ST6GAL1: variants seen among roughly 807,000 people sequenced by gnomAD.
ST6GAL1 encodes the protein beta-galactoside alpha-2,6-sialyltransferase 1.
A neutral mutation model predicts 38.0 loss-of-function variants in ST6GAL1; 20 were observed. The observed-to-expected ratio is 0.53, with a 90% confidence interval of 0.37 to 0.77. The LOEUF is 0.77. ST6GAL1 is among the 30% of genes least tolerant of loss of function. The pLI is 0.00. For missense variants in ST6GAL1, 432 were observed against 496.4 expected (o/e 0.87, Z 1.23); for synonymous variants, 196 against 188.2 (o/e 1.04, Z -0.34).
At position 187,024,491 on chromosome 3, in the gene ST6GAL1, T is replaced by TAG. The variant is rs773308806; in HGVS notation, c.-182-14250_-182-14249insGA. Among the ~76,000 whole-genome samples the TAG allele has an allele frequency of 8.6e-3, 906 of 105,262 alleles. 6 individuals are homozygous for TAG. The highest frequency in any genetic ancestry group is 0.015 in the African/African-American group (375 of 25,042). The allele number at this position is 105,262 out of a possible 152,430, so 69.1% of individuals were successfully genotyped here. ...ATATATGTGTATATATATATATATA[T>TAG]ATAGAGAGAGAGAGAGAGAGAGAGA... On this transcript the variant is annotated intron_variant, in intron 2 of 7. Transcript: ENST00000169298.
At chr3:187,019,593 A>G (rs1029356732) in intron 2 of ST6GAL1, among the ~76,000 whole-genome samples, 2 of 152,210 alleles carry the variant, frequency 1.3e-5, no homozygotes, top group African/African-American at 2.4e-5. Flanking sequence ...GCTATCCCTG[A>G]TATGAGGAAA....
chr3:186,967,210 T>C (rs1173971106), intron 2 of ST6GAL1, among the ~76,000 whole-genome samples: 2 of 152,168 alleles, frequency 1.3e-5, no homozygotes, highest in African/African-American at 4.8e-5. Context: ...GTTTGTTTTT[T>C]AGACGGTGTC....
At chr3:187,044,973 T>G (rs1718246015) in intron 4 of ST6GAL1, among the ~76,000 whole-genome samples, 1 of 152,220 alleles carries the variant, frequency 6.6e-6, no homozygotes, top group African/African-American at 2.4e-5. Context: ...TAACAAATAT[T>G]TTAAGACATT....
Position 187,047,956 on chromosome 3 carries a change from T to A in ST6GAL1, c.608-3293T>A, listed in dbSNP as rs1718358853. Among the ~76,000 whole-genome samples the A allele has an allele frequency of 2.0e-5, 3 of 151,612 alleles. No individual in the cohort carries two copies. The South Asian group carries it at 6.2e-4, about 32-fold the overall frequency. Reference sequence around the variant, plus strand: ...TTTTTCTTTTCCTTTCTTTTTTTTTTTTTTGAGACAGAGTCTTGCTCTGTT... The same window carrying A: ...TTTTTCTTTTCCTTTCTTTTTTTTTATTTTGAGACAGAGTCTTGCTCTGTT... On this transcript the variant is annotated intron_variant, in intron 4 of 7. Transcript: ENST00000169298.
chr3:186,990,928 C>G (rs1716146222), intron 2 of ST6GAL1, among the ~76,000 whole-genome samples: 1 of 152,146 alleles, frequency 6.6e-6, no homozygotes, highest in Non-Finnish European at 1.5e-5. Context: ...GTCCGCCTCC[C>G]CACCTCCTCC....
At chr3:187,002,940 A>G (rs1248411861) in intron 2 of ST6GAL1, among the ~76,000 whole-genome samples, 2 of 152,266 alleles carry the variant, frequency 1.3e-5, no homozygotes, top group Non-Finnish European at 2.9e-5. Context: ...ACTGAAGAAT[A>G]TAAAACATTA....
chr3:187,072,853 T>G lies in ST6GAL1; in HGVS notation c.710T>G (p.Val237Gly). The G allele has an allele frequency of 6.2e-7, 1 of 1,613,790 alleles. No homozygotes were observed. The highest frequency in any genetic ancestry group is 8.5e-7 in the Non-Finnish European group (1 of 1,179,704). ...TTIRLMNSQL[V>G]TTEKRFLKDS... ...CTTATCTCTTTCTTCCTGCAGTTGG[T>G]TACCACAGAGAAGCGCTTCCTCAAA... Residue 237 changes from valine to glycine, a missense_variant, in exon 6 of 8, where the codon GTT (valine) becomes GGT (glycine). Coordinates refer to ENST00000169298, the MANE Select transcript of ST6GAL1 (RefSeq NM_173216.2).
At chr3:186,990,227 T>G (rs1290095872) in intron 2 of ST6GAL1, among the ~76,000 whole-genome samples, 3 of 152,134 alleles carry the variant, frequency 2.0e-5, no homozygotes, top group Non-Finnish European at 4.4e-5. Flanking sequence ...AGAGACAGGG[T>G]TTCACCATAT....
chr3:186,984,692 C>A (rs1715807881), intron 2 of ST6GAL1, among the ~76,000 whole-genome samples: 1 of 151,746 alleles, frequency 6.6e-6, no homozygotes, highest in Admixed American at 6.6e-5. Context: ...CAACCCAGTA[C>A]TTCCGATCTC....
At chr3:187,049,603 G>A (rs893166612) in intron 4 of ST6GAL1, among the ~76,000 whole-genome samples, 1 of 152,232 alleles carries the variant, frequency 6.6e-6, no homozygotes, top group Non-Finnish European at 1.5e-5. Context: ...TAGACCTGGG[G>A]TGGTAATGAC....
chr3:187,027,751 C>T (rs1023906100), intron 2 of ST6GAL1, among the ~76,000 whole-genome samples: 1 of 152,118 alleles, frequency 6.6e-6, no homozygotes, highest in African/African-American at 2.4e-5. Context: ...GGAGAGCTGA[C>T]CGCAAGATGC....
intron 5 of ST6GAL1, among the ~76,000 whole-genome samples, chr3:187,051,845 T>A (rs918771367): frequency 1.3e-5 from 2 of 152,148 alleles, no homozygotes; most frequent in Non-Finnish European, 2.9e-5. Flanking sequence ...TCCCGGAGTA[T>A]TTTCAGGTAG....
chr3:187,048,601 G>A (rs1034631705), intron 4 of ST6GAL1, among the ~76,000 whole-genome samples: 8 of 152,136 alleles, frequency 5.3e-5, no homozygotes, highest in East Asian at 3.9e-4. Context: ...GTTGTTGTCC[G>A]TCTTTACTGT....
At chr3:187,016,754 A>G (rs934697212) in intron 2 of ST6GAL1, among the ~76,000 whole-genome samples, 4 of 152,226 alleles carry the variant, frequency 2.6e-5, no homozygotes, top group African/African-American at 9.6e-5. Flanking sequence ...GATGTGGGCC[A>G]AGAGCAGAAG....
chr3:187,054,114 G>T (rs146352567), intron 5 of ST6GAL1, among the ~76,000 whole-genome samples: 2,812 of 152,268 alleles, frequency 0.018, 98 homozygotes, highest in African/African-American at 0.065. Context: ...TGTTATTGGT[G>T]TATAGGAATG....
intron 3 of ST6GAL1, among the ~76,000 whole-genome samples, chr3:187,041,276 A>G (rs1198443584): frequency 1.3e-5 from 2 of 152,128 alleles, no homozygotes; most frequent in African/African-American, 4.8e-5. Flanking sequence ...AGGTTTTGTG[A>G]ACACCCAGTC....
chr3:186,993,566 TTATTTA>T (rs1716255391), intron 2 of ST6GAL1, among the ~76,000 whole-genome samples: 2 of 38,108 alleles, frequency 5.2e-5, no homozygotes, highest in Non-Finnish European at 1.3e-4. Flanking sequence ...TTTTATTTAT[TTATTTA>T]TTTATTTATT....
rs535286511 is a variant in ST6GAL1 at position 187,025,686 on chromosome 3, C to T, written c.-182-13056C>T. ...AGTCTGTCTGTCTGTGCATGGGGTG[C>T]AAGGGTGAAGACAGTAGCAAATGGC... On this transcript the variant is annotated intron_variant, in intron 2 of 7. Transcript: ENST00000169298. Among the ~76,000 whole-genome samples the T allele has an allele frequency of 3.3e-5, 5 of 152,214 alleles. No individual in the cohort carries two copies. In the South Asian group the frequency reaches 8.3e-4, roughly 25 times the overall value.
At chr3:187,006,958 A>G (rs1179560788) in intron 2 of ST6GAL1, among the ~76,000 whole-genome samples, 1 of 152,246 alleles carries the variant, frequency 6.6e-6, no homozygotes, top group African/African-American at 2.4e-5. Context: ...GTTTTGAAAC[A>G]TGGATGAGAA....
Sources: gnomAD v4.1 joint callset for allele counts (sites outside exome capture counted in the v4.1 genomes callset) on GRCh38, gnomAD v4.1.1 for gene constraint, MANE v1.5 for transcripts, NCBI Gene and HGNC (gene_info 2026-07-23, HGNC 2026-07-21) for gene names.